Variants in ENOX2 observed in about 807,000 individuals in gnomAD.
ENOX2 encodes the protein ecto-NOX disulfide-thiol exchanger 2.
ENOX2 carries 36 observed loss-of-function variants against 45.0 expected under a neutral mutation model. That is an observed-to-expected ratio of 0.80 (90% CI 0.61 to 1.06). The LOEUF (loss-of-function observed/expected upper bound fraction) is 1.06, where lower values mean the gene tolerates loss of function less well. Among genes scored for constraint, ENOX2 ranks in the 50% least tolerant of loss-of-function variants. The pLI, the probability that ENOX2 is intolerant of heterozygous loss-of-function variation, is 0.00. For synonymous variants in ENOX2, 174 were observed against 152.3 expected (o/e 1.14, Z -1.05); for missense variants, 423 against 462.5 (o/e 0.91, Z 0.78).
intron 2 of ENOX2, among the ~76,000 whole-genome samples, chrX:130,794,491 G>A (rs2077089369): frequency 8.9e-6 from 1 of 112,790 alleles, no homozygotes; most frequent in African/African-American, 3.2e-5. Flanking sequence ...GGCTGAGCCA[G>A]CTCTTTAAGT....
intron 2 of ENOX2, among the ~76,000 whole-genome samples, chrX:130,873,188 A>G (rs1377736789): frequency 3.6e-5 from 4 of 112,048 alleles, no homozygotes; most frequent in African/African-American, 1.3e-4. Flanking sequence ...AGGAACTTAA[A>G]CAAATTTACA....
In ENOX2 at chrX:130,638,431, A is replaced by AACACAC. The variant is rs34648095; in HGVS notation, c.1130-1027_1130-1022dup. 8.1e-3 allele frequency among the ~76,000 whole-genome samples: 749 copies of AACACAC among 92,763 alleles called. 6 individuals carry two copies. Among genetic ancestry groups the AACACAC allele is most frequent in the African/African-American group, 0.026 (661 of 25,276 alleles). The allele number at this position is 92,763 out of a possible 115,157, so 80.6% of individuals were successfully genotyped here. The stretch of plus-strand genomic sequence containing the variant: ...AAATAACTGTTAAACAACAATTTGA[A>AACACAC]ACACACACACACACACACACACACA... On this transcript the variant is annotated intron_variant, in intron 10 of 14. Transcript: ENST00000394363.
chrX:130,842,122 G>A (rs975435436), intron 2 of ENOX2, among the ~76,000 whole-genome samples: 1 of 112,756 alleles, frequency 8.9e-6, no homozygotes, highest in Non-Finnish European at 1.9e-5. Context: ...AAAGCCAGCC[G>A]TAATGCCGTG....
chrX:130,672,719 A>G (rs1213075792), intron 6 of ENOX2, among the ~76,000 whole-genome samples: 2 of 112,016 alleles, frequency 1.8e-5, no homozygotes, highest in South Asian at 3.8e-4. Flanking sequence ...CTGAGTCAGG[A>G]GCCCCAGGAG....
In ENOX2 at chrX:130,827,288, A is replaced by G. The variant is rs759047783; in HGVS notation, c.-182-43598T>C. Among the ~76,000 whole-genome samples, 8 of 111,749 alleles carry G rather than the reference A, an allele frequency of 7.2e-5. No individual in the cohort carries two copies. The South Asian group carries it at 3.0e-3, about 42-fold the overall frequency. On this transcript the variant is annotated intron_variant, in intron 2 of 14. Coordinates refer to ENST00000394363, the MANE Select transcript of ENOX2 (RefSeq NM_006375.4). Reference sequence around the variant, plus strand: ...GATATCTAAGTGTAGATAGATATACACACCAAATTACTGCACAACTTTGCA... The same window carrying G: ...GATATCTAAGTGTAGATAGATATACGCACCAAATTACTGCACAACTTTGCA...
At chrX:130,730,549 C>A (rs965646245) in intron 3 of ENOX2, among the ~76,000 whole-genome samples, 14 of 112,522 alleles carry the variant, frequency 1.2e-4, no homozygotes, top group African/African-American at 4.5e-4. Flanking sequence ...TGAGACAAGT[C>A]TCAATCAATT....
chrX:130,703,003 C>T, intron 4 of ENOX2, 117 bp downstream of exon 4: 1 of 776,731 alleles, frequency 1.3e-6, no homozygotes, highest in Non-Finnish European at 1.8e-6. Flanking sequence ...CAAAAATGCA[C>T]ACTCTAGGCA....
intron 2 of ENOX2, among the ~76,000 whole-genome samples, chrX:130,878,487 C>T (rs1249521183): frequency 9.0e-6 from 1 of 111,307 alleles, no homozygotes; most frequent in Non-Finnish European, 1.9e-5. Context: ...TTCCTTTTTC[C>T]GTGAGACTAT....
At chrX:130,695,100 C>T (rs2037721569) in intron 4 of ENOX2, among the ~76,000 whole-genome samples, 1 of 111,840 alleles carries the variant, frequency 8.9e-6, no homozygotes, top group African/African-American at 3.3e-5. Context: ...TACACTGCTT[C>T]CCACAAAGTC....
At chrX:130,858,947 C>T (rs1374155602) in intron 2 of ENOX2, among the ~76,000 whole-genome samples, 1 of 112,141 alleles carries the variant, frequency 8.9e-6, no homozygotes, top group Admixed American at 9.4e-5. Context: ...ATTCATTAAA[C>T]ACTTATTTAC....
intron 2 of ENOX2, among the ~76,000 whole-genome samples, chrX:130,826,345 T>A (rs2077720538): frequency 9.0e-6 from 1 of 111,731 alleles, no homozygotes; most frequent in South Asian, 3.7e-4. Flanking sequence ...CACAAAGAGA[T>A]AAGCATATGT....
chrX:130,891,074 C>A (rs1171796855), intron 2 of ENOX2, among the ~76,000 whole-genome samples: 1 of 111,732 alleles, frequency 8.9e-6, no homozygotes, highest in Non-Finnish European at 1.9e-5. Flanking sequence ...GGCATGGTGG[C>A]TCACACCAAT....
chrX:130,709,222 A>G, intron 3 of ENOX2: 1 of 1,186,347 alleles, frequency 8.4e-7, no homozygotes, highest in Non-Finnish European at 1.1e-6. Context: ...GAACTCAGCA[A>G]CTGTACAAAG....
intron 3 of ENOX2, among the ~76,000 whole-genome samples, chrX:130,766,152 C>T (rs2039611520): frequency 1.8e-5 from 2 of 111,283 alleles, no homozygotes; most frequent in Non-Finnish European, 3.8e-5. Flanking sequence ...TGTCAACCAA[C>T]TGGGTATAAA....
chrX:130,795,303 G>A (rs1283282805), intron 2 of ENOX2, among the ~76,000 whole-genome samples: 1 of 111,477 alleles, frequency 9.0e-6, no homozygotes, highest in Non-Finnish European at 1.9e-5. Context: ...CCTACCACTA[G>A]GAAAACCAGA....
At chrX:130,632,974 T>C (rs1353986811) in intron 12 of ENOX2, among the ~76,000 whole-genome samples, 4 of 112,221 alleles carry the variant, frequency 3.6e-5, no homozygotes, top group African/African-American at 1.3e-4. Context: ...GTTTAACAGA[T>C]TGGGGTTGAT....
intron 5 of ENOX2, among the ~76,000 whole-genome samples, chrX:130,686,388 C>T (rs771452782): frequency 9.9e-5 from 11 of 111,505 alleles, no homozygotes; most frequent in Non-Finnish European, 1.3e-4. Context: ...CGAGACACCT[C>T]GCTCCATCTT....
chrX:130,810,046 T>C (rs1474526298), intron 2 of ENOX2, among the ~76,000 whole-genome samples: 2 of 109,884 alleles, frequency 1.8e-5, no homozygotes, highest in Non-Finnish European at 3.8e-5. Context: ...CACGGAAGAG[T>C]GTAAGACAGA....
chrX:130,874,600 C>A (rs2078658258), intron 2 of ENOX2, among the ~76,000 whole-genome samples: 1 of 111,849 alleles, frequency 8.9e-6, no homozygotes, highest in African/African-American at 3.2e-5. Flanking sequence ...ATCTGTAACT[C>A]CAAAATCTCA....
Sources: gnomAD v4.1 joint callset for allele counts (sites outside exome capture counted in the v4.1 genomes callset) on GRCh38, gnomAD v4.1.1 for gene constraint, MANE v1.5 for transcripts, NCBI Gene and HGNC (gene_info 2026-07-23, HGNC 2026-07-21) for gene names.